Variants in ADAMTS12 observed in about 807,000 individuals in gnomAD.
ADAMTS12 encodes ADAM metallopeptidase with thrombospondin type 1 motif 12, also known as A disintegrin and metalloproteinase with thrombospondin motifs 12.
Under a neutral mutation model 167.8 loss-of-function variants are expected in ADAMTS12, and 118 were observed. The ratio of observed to expected loss-of-function variants is 0.70; its 90% confidence interval spans 0.61 to 0.82. ADAMTS12 has a LOEUF of 0.82. Among genes scored for constraint, ADAMTS12 ranks in the 40% least tolerant of loss-of-function variants. ADAMTS12 has a pLI of 0.00. For synonymous variants in ADAMTS12, 704 were observed against 716.9 expected (o/e 0.98, Z 0.29); for missense variants, 1,916 against 1,998.8 (o/e 0.96, Z 0.79).
At chr5:33,613,833 G>A (rs1195821890) in intron 16 of ADAMTS12, among the ~76,000 whole-genome samples, 1 of 152,176 alleles carries the variant, frequency 6.6e-6, no homozygotes, top group African/African-American at 2.4e-5. Context: ...AAAGAGCACT[G>A]GGTTAGGAAT....
chr5:33,688,219 C>T (rs997311282), intron 3 of ADAMTS12, among the ~76,000 whole-genome samples: 2 of 152,088 alleles, frequency 1.3e-5, no homozygotes, highest in African/African-American at 2.4e-5. Flanking sequence ...CAGGTTTGTC[C>T]ATTTTTTCCA....
At chr5:33,777,030 TC>T (rs1745938170) in intron 2 of ADAMTS12, among the ~76,000 whole-genome samples, 1 of 151,976 alleles carries the variant, frequency 6.6e-6, no homozygotes, top group Non-Finnish European at 1.5e-5. Flanking sequence ...GAATCAGAAA[TC>T]AAAAACCTCC....
intron 16 of ADAMTS12, among the ~76,000 whole-genome samples, chr5:33,602,308 G>A (rs947832806): frequency 2.0e-5 from 3 of 152,176 alleles, no homozygotes; most frequent in African/African-American, 4.8e-5. Flanking sequence ...CTTCATTAGT[G>A]AACTACAACA....
intron 2 of ADAMTS12, among the ~76,000 whole-genome samples, chr5:33,781,169 C>G (rs954323186): frequency 6.6e-6 from 1 of 151,892 alleles, no homozygotes; most frequent in Non-Finnish European, 1.5e-5. Flanking sequence ...TTCATACATA[C>G]ATAGATATAG....
chr5:33,584,450 A>G (rs1451820683), intron 18 of ADAMTS12, among the ~76,000 whole-genome samples: 1 of 152,142 alleles, frequency 6.6e-6, no homozygotes, highest in Non-Finnish European at 1.5e-5. Flanking sequence ...CATGCATAAA[A>G]TGAATGAGCT....
chr5:33,644,759 C>T (rs1740596246), intron 9 of ADAMTS12, among the ~76,000 whole-genome samples: 1 of 149,776 alleles, frequency 6.7e-6, no homozygotes, highest in Non-Finnish European at 1.5e-5. Flanking sequence ...TTGACAGAGT[C>T]TCACTCTGTC....
At chr5:33,642,588 C>G (rs1169896991) in intron 10 of ADAMTS12, among the ~76,000 whole-genome samples, 2 of 152,178 alleles carry the variant, frequency 1.3e-5, no homozygotes, top group African/African-American at 2.4e-5. Context: ...AAAATCCACT[C>G]TCTCCCCTCT....
At chr5:33,611,370 GA>G (rs1340066090) in intron 16 of ADAMTS12, among the ~76,000 whole-genome samples, 1 of 150,302 alleles carries the variant, frequency 6.7e-6, no homozygotes, top group African/African-American at 2.4e-5. Context: ...AGTAAAGATT[GA>G]AACAAAATGG....
In ADAMTS12 at chr5:33,525,041, T is replaced by A. The variant is rs1163671275; in HGVS notation, c.*2147A>T. The A allele has an allele frequency of 6.6e-6, 1 of 152,238 alleles. No individual in the cohort carries two copies. The highest frequency in any genetic ancestry group is 1.5e-5 in the Non-Finnish European group (1 of 68,046). The allele number at this position is 152,238 out of a possible 1,614,324, so 9.4% of individuals were successfully genotyped here. A position where few individuals can be genotyped will look rare whatever the true frequency, so the allele number is the denominator to read the frequency against. ...AGCCTGGTCATACCCAGGTCTCTGA[T>A]GACACGTATTTGACCCTATGCTAGT... On this transcript the variant is annotated 3_prime_UTR_variant, in exon 24 of 24. Coordinates refer to ENST00000504830, the MANE Select transcript of ADAMTS12 (RefSeq NM_030955.4).
intron 2 of ADAMTS12, among the ~76,000 whole-genome samples, chr5:33,841,748 T>C (rs1223667485): frequency 6.6e-6 from 1 of 152,216 alleles, no homozygotes; most frequent in East Asian, 1.9e-4. Flanking sequence ...GGGACTGCTA[T>C]GCTAGGGTTC....
chr5:33,782,195 T>G (rs1198962269), intron 2 of ADAMTS12, among the ~76,000 whole-genome samples: 1 of 152,132 alleles, frequency 6.6e-6, no homozygotes, highest in Non-Finnish European at 1.5e-5. Context: ...TATATAGATG[T>G]AATATATAGG....
Position 33,800,001 on chromosome 5 carries a change from G to A in ADAMTS12, c.490-48453C>T, listed in dbSNP as rs149785461. On this transcript the variant is annotated intron_variant, in intron 2 of 23. Transcript: ENST00000504830. ...CATTCTTGGAAATGTTCCTGGGTCCGGGACTGTGGCCTCCTCTAAGGGCTC... is the reference window on the plus strand; with the variant it reads ...CATTCTTGGAAATGTTCCTGGGTCCAGGACTGTGGCCTCCTCTAAGGGCTC... Among the ~76,000 whole-genome samples the A allele has an allele frequency of 2.0e-3, 299 of 152,274 alleles. 2 individuals are homozygous for A. The highest frequency in any genetic ancestry group is 6.9e-3 in the African/African-American group (288 of 41,548).
intron 2 of ADAMTS12, among the ~76,000 whole-genome samples, chr5:33,777,891 T>C (rs1441233446): frequency 6.6e-6 from 1 of 151,566 alleles, no homozygotes; most frequent in African/African-American, 2.4e-5. Context: ...CAAAGAGCTA[T>C]CCCAAAAGAA....
chr5:33,542,719 C>A (rs1309035793), intron 22 of ADAMTS12, among the ~76,000 whole-genome samples: 1 of 152,180 alleles, frequency 6.6e-6, no homozygotes, highest in South Asian at 2.1e-4. Flanking sequence ...TCACTCAAAA[C>A]CACACAACTA....
intron 2 of ADAMTS12, among the ~76,000 whole-genome samples, chr5:33,835,953 CT>C (rs1748506667): frequency 2.2e-5 from 2 of 89,138 alleles, no homozygotes. Context: ...CTCTCTCTCT[CT>C]GTGTGTGTGT....
intron 3 of ADAMTS12, among the ~76,000 whole-genome samples, chr5:33,691,709 G>A (rs1360318239): frequency 6.6e-6 from 1 of 152,158 alleles, no homozygotes; most frequent in Non-Finnish European, 1.5e-5. Flanking sequence ...GCTTCAGCAG[G>A]ACCTTCCAAA....
chr5:33,766,136 T>C (rs1335992147), intron 2 of ADAMTS12, among the ~76,000 whole-genome samples: 1 of 152,174 alleles, frequency 6.6e-6, no homozygotes, highest in African/African-American at 2.4e-5. Context: ...GTTTAGTGAC[T>C]TGGTTTCAAA....
chr5:33,762,220 T>C (rs1239760458), intron 2 of ADAMTS12, among the ~76,000 whole-genome samples: 3 of 139,414 alleles, frequency 2.2e-5, no homozygotes, highest in African/African-American at 8.1e-5. Flanking sequence ...AATAAAAAAA[T>C]AAAAGAGGCT....
intron 19 of ADAMTS12, among the ~76,000 whole-genome samples, chr5:33,568,661 A>C (rs1019528887): frequency 6.6e-6 from 1 of 152,252 alleles, no homozygotes; most frequent in African/African-American, 2.4e-5. Flanking sequence ...AGTCTGCGTG[A>C]GTGACGCAGA....
Sources: allele counts gnomAD v4.1 joint callset (sites outside exome capture counted in the v4.1 genomes callset), GRCh38; gene constraint gnomAD v4.1.1; transcripts MANE v1.5; gene names NCBI Gene and HGNC (gene_info 2026-07-23, HGNC 2026-07-21).